The following FBXL17 variants were observed in gnomAD, a reference collection of about 807,000 sequenced individuals.
FBXL17 encodes F-box/LRR-repeat protein 17.
FBXL17 carries 22 observed loss-of-function variants against 66.2 expected under a neutral mutation model. The ratio of observed to expected loss-of-function variants is 0.33; its 90% CI spans 0.24 to 0.47. The LOEUF is 0.47. Among genes scored for constraint, FBXL17 ranks in the 20% least tolerant of loss-of-function variants. FBXL17 has a pLI of 1.00. For missense variants in FBXL17, 878 were observed against 948.2 expected, an observed-to-expected ratio of 0.93 and a Z score of 0.97; for synonymous variants, 474 against 400.5, an observed-to-expected ratio of 1.18 and a Z score of -2.19.
intron 4 of FBXL17, among the ~76,000 whole-genome samples, chr5:108,321,994 C>G (rs1159010859): frequency 6.6e-6 from 1 of 151,848 alleles, no homozygotes; most frequent in Non-Finnish European, 1.5e-5. Flanking sequence ...AAAACCAACT[C>G]AGATACCACT....
intron 6 of FBXL17, among the ~76,000 whole-genome samples, chr5:108,077,682 A>C: frequency 6.6e-6 from 1 of 152,184 alleles, no homozygotes; most frequent in East Asian, 1.9e-4. Context: ...AAAAAATGAA[A>C]AAAATGAAAA....
chr5:107,997,138 C>T (rs907476614), intron 7 of FBXL17, among the ~76,000 whole-genome samples: 7 of 152,118 alleles, frequency 4.6e-5, no homozygotes, highest in South Asian at 2.1e-4. Flanking sequence ...TACATCGTAG[C>T]GGAAAGTTTA....
chr5:108,054,118 T>C (rs976957419), intron 6 of FBXL17, among the ~76,000 whole-genome samples: 1 of 151,286 alleles, frequency 6.6e-6, no homozygotes, highest in African/African-American at 2.4e-5. Flanking sequence ...TTGCGGGGTG[T>C]GGGGAGAGGG....
intron 7 of FBXL17, among the ~76,000 whole-genome samples, chr5:107,976,073 G>A (rs1411664020): frequency 1.3e-5 from 2 of 152,002 alleles, no homozygotes; most frequent in African/African-American, 4.8e-5. Flanking sequence ...TGGCCAGGAT[G>A]GTCTAGATCT....
chr5:108,376,109 G>A (rs1331264279), intron 1 of FBXL17, among the ~76,000 whole-genome samples: 2 of 152,070 alleles, frequency 1.3e-5, no homozygotes, highest in Admixed American at 1.3e-4. Flanking sequence ...AGAAATATAG[G>A]AATAAAAGAA....
intron 6 of FBXL17, among the ~76,000 whole-genome samples, chr5:108,125,451 G>A (rs1057274116): frequency 2.6e-5 from 4 of 151,954 alleles, no homozygotes; most frequent in African/African-American, 2.4e-5. Context: ...AGTAGGTCAC[G>A]ATCAAAACTG....
intron 6 of FBXL17, among the ~76,000 whole-genome samples, chr5:108,064,166 T>C (rs1748029481): frequency 6.6e-6 from 1 of 152,172 alleles, no homozygotes; most frequent in South Asian, 2.1e-4. Flanking sequence ...TGTTTATTAA[T>C]ATATATTGCA....
intron 4 of FBXL17, chr5:108,301,926 G>A (rs1758608310): frequency 3.9e-6 from 2 of 518,562 alleles, no homozygotes; most frequent in South Asian, 8.3e-5. Context: ...TTCTTAATGG[G>A]AGATATATGT....
chr5:108,200,147 G>A (rs563782328), intron 5 of FBXL17, among the ~76,000 whole-genome samples: 17 of 152,248 alleles, frequency 1.1e-4, no homozygotes, highest in South Asian at 6.2e-4. Flanking sequence ...AGGAGACAGA[G>A]GTGTTGCCAG....
chr5:108,107,586 G>A (rs1039195943), intron 6 of FBXL17, among the ~76,000 whole-genome samples: 1 of 151,982 alleles, frequency 6.6e-6, no homozygotes, highest in African/African-American at 2.4e-5. Flanking sequence ...GCCAAGGCGG[G>A]CAGATCACGA....
rs564733760 is a variant in FBXL17 at position 107,879,209 on chromosome 5, A to C, written c.1965+1828T>G. ...AAAGATTACAGGTTAGAAATATGAC[A>C]ATTTCTGAGAATGGCTGCGGACACA... On this transcript the variant is annotated intron_variant, in intron 8 of 8. Coordinates refer to ENST00000542267, the MANE Select transcript of FBXL17 (RefSeq NM_001163315.3). The C allele has an allele frequency of 6.9e-5, 68 of 985,434 alleles. No individual in the cohort carries two copies. The African/African-American group carries it at 1.1e-3, about 16-fold the overall frequency. 61.0% of individuals were successfully genotyped at this position (985,434 alleles called of 1,614,324 possible).
intron 6 of FBXL17, among the ~76,000 whole-genome samples, chr5:108,071,474 G>A (rs1409051158): frequency 2.6e-5 from 4 of 152,156 alleles, no homozygotes; most frequent in South Asian, 2.1e-4. Context: ...TGAAGTGCAT[G>A]GATTCCTCTT....
At chr5:108,012,304 CATACTGAATATCAATAA>C (rs1252881154) in intron 7 of FBXL17, among the ~76,000 whole-genome samples, 1 of 152,094 alleles carries the variant, frequency 6.6e-6, no homozygotes, top group Non-Finnish European at 1.5e-5. Context: ...TATATTAATA[CATACTGAATATCAATAA>C]CAATCTCCCC....
At chr5:108,112,737 A>G (rs1032782616) in intron 6 of FBXL17, among the ~76,000 whole-genome samples, 2 of 152,234 alleles carry the variant, frequency 1.3e-5, no homozygotes, top group Non-Finnish European at 2.9e-5. Flanking sequence ...CATGATCAAG[A>G]GTGAAATGAA....
intron 7 of FBXL17, among the ~76,000 whole-genome samples, chr5:107,942,403 C>T (rs972276930): frequency 6.6e-6 from 1 of 152,134 alleles, no homozygotes; most frequent in Non-Finnish European, 1.5e-5. Flanking sequence ...TTAAATGGGC[C>T]TTCTCAGTAA....
rs1424834061 is a variant in FBXL17, at chr5:108,302,102, T to C, written c.1506+46297A>G. 16 of 831,072 alleles carry C rather than the reference T, an allele frequency of 1.9e-5. No individual in the cohort carries two copies. In the African/African-American group the frequency reaches 2.4e-4, roughly 12 times the overall value. 51.5% of individuals were successfully genotyped at this position (831,072 alleles called of 1,614,324 possible). On this transcript the variant is annotated intron_variant, in intron 4 of 8. Transcript: ENST00000542267. The stretch of plus-strand genomic sequence containing the variant: ...AAATGTGGACCAATCAATAAAGTAA[T>C]TGGTCAAGGCTACTTTTTCTGAAAA...
chr5:108,232,147 C>T (rs543546772), intron 4 of FBXL17, among the ~76,000 whole-genome samples: 5 of 152,298 alleles, frequency 3.3e-5, no homozygotes, highest in East Asian at 1.9e-4. Context: ...TGAATGTATA[C>T]ACTTGTGCTA....
chr5:108,238,142 C>T (rs981426995), intron 4 of FBXL17, among the ~76,000 whole-genome samples: 6 of 152,198 alleles, frequency 3.9e-5, no homozygotes, highest in African/African-American at 1.4e-4. Context: ...CACATTGGCA[C>T]TTGTCACATA....
chr5:107,887,411 C>T (rs975728501), intron 7 of FBXL17, among the ~76,000 whole-genome samples: 1 of 152,080 alleles, frequency 6.6e-6, no homozygotes, highest in Non-Finnish European at 1.5e-5. Flanking sequence ...CTGCATGTGC[C>T]GTTTTGTCCT....
Sources: allele counts gnomAD v4.1 joint callset (sites outside exome capture counted in the v4.1 genomes callset), GRCh38; gene constraint gnomAD v4.1.1; transcripts MANE v1.5; gene names NCBI Gene and HGNC (gene_info 2026-07-23, HGNC 2026-07-21).